SNX27: variants seen among roughly 807,000 people sequenced by gnomAD.
SNX27 encodes sorting nexin 27, also known as sorting nexin-27.
Under a neutral mutation model 71.6 loss-of-function variants are expected in SNX27, and 22 were observed. The ratio of observed to expected loss-of-function variants is 0.31; its 90% CI spans 0.22 to 0.44. SNX27 has a LOEUF of 0.44. SNX27 is among the 20% of genes least tolerant of loss of function. The pLI is 1.00. For synonymous variants in SNX27, 269 were observed against 277.2 expected, an observed-to-expected ratio of 0.97 and a Z score of 0.29; for missense variants, 531 against 698.6, an observed-to-expected ratio of 0.76 and a Z score of 2.70.
Position 151,612,751 on chromosome 1 carries a change from C to G in SNX27, c.311+239C>G, listed in dbSNP as rs1192416639. 6.6e-6 allele frequency among the ~76,000 whole-genome samples: 1 copy of G among 152,096 alleles called. No individual in the cohort carries two copies. The highest frequency in any genetic ancestry group is 2.4e-5 in the African/African-American group (1 of 41,430). Reference sequence around the variant, plus strand: ...GTCGTCTCCAGCTGATGCCCTTGCGCCCCCAGTGCTCCTCCCTGTGCCCCG... The same window carrying G: ...GTCGTCTCCAGCTGATGCCCTTGCGGCCCCAGTGCTCCTCCCTGTGCCCCG... On this transcript the variant is annotated intron_variant, in intron 1 of 11. Coordinates refer to ENST00000458013, the MANE Select transcript of SNX27 (RefSeq NM_001330723.2). This position sits in a 1 kb window ranked among gnomAD's most constrained non-coding sequence, Gnocchi z 5.2.
intron 2 of SNX27, among the ~76,000 whole-genome samples, chr1:151,646,188 CCTTT>C (rs1349370249): frequency 2.0e-5 from 3 of 152,050 alleles, no homozygotes; most frequent in Non-Finnish European, 4.4e-5. Flanking sequence ...AGCCATGTCA[CCTTT>C]CTTTCGGTTA....
chr1:151,629,318 G>A (rs777102258), intron 1 of SNX27: 8 of 151,848 alleles, frequency 5.3e-5, no homozygotes, highest in Non-Finnish European at 1.2e-4. Flanking sequence ...GCTTTTTTGT[G>A]TTTAGGCGCT....
At chr1:151,653,303 G>A (rs1436405029) in intron 2 of SNX27, among the ~76,000 whole-genome samples, 1 of 152,106 alleles carries the variant, frequency 6.6e-6, no homozygotes, top group African/African-American at 2.4e-5. Context: ...AGCATCATGT[G>A]TGGAATAATA....
Position 151,612,563 on chromosome 1 carries a change from C to A in SNX27, c.311+51C>A. 1 of 1,251,936 alleles carries A rather than the reference C, an allele frequency of 8.0e-7. No homozygotes were observed. Among genetic ancestry groups the A allele is most frequent in the Non-Finnish European group, 1.0e-6 (1 of 975,454 alleles). The allele number at this position is 1,251,936 out of a possible 1,614,324, so 77.6% of individuals were successfully genotyped here. On this transcript the variant is annotated intron_variant, in intron 1 of 11. Coordinates refer to ENST00000458013, the MANE Select transcript of SNX27 (RefSeq NM_001330723.2). The surrounding 1 kb of genome is among the most constrained non-coding windows in gnomAD (Gnocchi z 5.2). ...CCATCCTCCCCGCGCCCCTCCTGCCCCTGCACTCCTCGCTACCCTTGTCAC... is the reference window on the plus strand; with the variant it reads ...CCATCCTCCCCGCGCCCCTCCTGCCACTGCACTCCTCGCTACCCTTGTCAC...
chr1:151,656,896 T>C (rs1302273574), intron 2 of SNX27, among the ~76,000 whole-genome samples: 2 of 152,082 alleles, frequency 1.3e-5, no homozygotes, highest in Non-Finnish European at 2.9e-5. Flanking sequence ...TACTCTATTT[T>C]TATAAAACCA....
At chr1:151,615,745 T>C (rs2102588208) in intron 1 of SNX27, 1 of 983,664 alleles carries the variant, frequency 1.0e-6, no homozygotes, top group East Asian at 1.1e-4. Context: ...TTCTATTGTG[T>C]TTACAAATTG....
chr1:151,655,470 T>C (rs942870122), intron 2 of SNX27, among the ~76,000 whole-genome samples: 1 of 152,248 alleles, frequency 6.6e-6, no homozygotes, highest in Non-Finnish European at 1.5e-5. Flanking sequence ...CCCTCTTGCA[T>C]GATTAGTCCT....
rs760548369 is a variant in SNX27, at chr1:151,693,409, C to T, written c.1519-15C>T. 2 of 1,613,850 alleles carry T rather than the reference C, an allele frequency of 1.2e-6. No individual in the cohort carries two copies. The highest frequency in any genetic ancestry group is 2.2e-5 in the South Asian group (2 of 91,070). On this transcript the variant is annotated splice_polypyrimidine_tract_variant and intron_variant, in intron 10 of 11. Transcript: ENST00000458013. Reference sequence around the variant, plus strand: ...CTCTTGAGAAGTTAGTGAGTGTCACCACCTTTTTTTTCAGTTCAATTACAT... The same window carrying T: ...CTCTTGAGAAGTTAGTGAGTGTCACTACCTTTTTTTTCAGTTCAATTACAT...
At chr1:151,671,471 T>C (rs779949905) in intron 7 of SNX27, among the ~76,000 whole-genome samples, 1 of 152,040 alleles carries the variant, frequency 6.6e-6, no homozygotes, top group Admixed American at 6.6e-5. Flanking sequence ...ACTCCTAGGC[T>C]CAAGATCCTC....
chr1:151,641,598 GATATATATATATAT>G (rs56886589), intron 2 of SNX27, among the ~76,000 whole-genome samples: 4,060 of 79,020 alleles, frequency 0.051, 363 homozygotes, highest in African/African-American at 0.17. Context: ...TCCTTTATCA[GATATATATATATAT>G]ATATATATAT....
chr1:151,638,413 GTCTC>G (rs200000297), intron 1 of SNX27, among the ~76,000 whole-genome samples: 2,556 of 152,276 alleles, frequency 0.017, 34 homozygotes, highest in Middle Eastern at 0.044. Flanking sequence ...CTTTTTTTGA[GTCTC>G]TATTTACAAA....
chr1:151,637,188 A>T (rs1668504088), intron 1 of SNX27, among the ~76,000 whole-genome samples: 1 of 134,132 alleles, frequency 7.5e-6, no homozygotes, highest in Admixed American at 7.9e-5. Context: ...TTTTTGAGAC[A>T]GAGTCTTGCT....
chr1:151,660,652 C>T, intron 3 of SNX27, 146 bp from the exon 4 acceptor site: 2 of 612,426 alleles, frequency 3.3e-6, no homozygotes, highest in Non-Finnish European at 3.0e-6. Flanking sequence ...TCTTATATAC[C>T]AGACATGGTT....
At chr1:151,640,837 T>A (rs762726074) in intron 2 of SNX27, among the ~76,000 whole-genome samples, 1 of 152,140 alleles carries the variant, frequency 6.6e-6, no homozygotes, top group Non-Finnish European at 1.5e-5. Flanking sequence ...CCTCAAAAGT[T>A]CCCTCATGCC....
chr1:151,678,557 G>A (rs1670802936), intron 7 of SNX27: 1 of 152,126 alleles, frequency 6.6e-6, no homozygotes, highest in South Asian at 2.1e-4. Flanking sequence ...ATGCTGCTGT[G>A]AACATGGGTG....
chr1:151,624,379 A>C (rs1457371468), intron 1 of SNX27, among the ~76,000 whole-genome samples: 1 of 149,292 alleles, frequency 6.7e-6, no homozygotes, highest in Non-Finnish European at 1.5e-5. Context: ...CAGATAATAA[A>C]TGAGCTTTTT....
chr1:151,671,613 T>C (rs1007462262), intron 7 of SNX27, among the ~76,000 whole-genome samples: 2 of 152,124 alleles, frequency 1.3e-5, no homozygotes, highest in African/African-American at 4.8e-5. Context: ...AGGATAGTTT[T>C]TTTTTTCTAT....
intron 3 of SNX27, among the ~76,000 whole-genome samples, chr1:151,659,231 T>A (rs1005416252): frequency 3.3e-5 from 5 of 151,992 alleles, no homozygotes; most frequent in African/African-American, 4.8e-5. Flanking sequence ...ACTTCTGTAT[T>A]GAATTTTTTG....
In SNX27 at chr1:151,660,880, T is replaced by A. The variant is rs115780664; in HGVS notation, c.801+18T>A. ...CCGATGAGGTAGGTGAATATCTCTT[T>A]TAGTGATTATTTTCCTTTTGGCTCC... On this transcript the variant is annotated intron_variant, in intron 4 of 11. Coordinates refer to ENST00000458013, the MANE Select transcript of SNX27 (RefSeq NM_001330723.2). 5.1e-3 allele frequency: 8,018 copies of A among 1,583,834 alleles called. 29 individuals carry two copies. The highest frequency in any genetic ancestry group is 6.2e-3 in the Non-Finnish European group (7,157 of 1,152,542).
Sources: gnomAD v4.1 joint callset for allele counts (sites outside exome capture counted in the v4.1 genomes callset) on GRCh38, gnomAD v4.1.1 for gene constraint, Gnocchi (gnomAD v3.1) non-coding constraint, MANE v1.5 for transcripts, NCBI Gene and HGNC (gene_info 2026-07-23, HGNC 2026-07-21) for gene names.